GLI2: variants seen among roughly 807,000 people sequenced by gnomAD.
GLI2 encodes the protein GLI family zinc finger 2, also known as transcription activator GLI2.
In GLI2, 22 loss-of-function variants were observed where a neutral mutation model predicts 78.9. That is an observed-to-expected ratio of 0.28 (90% CI 0.20 to 0.40). GLI2 has a LOEUF of 0.40. Among genes scored for constraint, GLI2 ranks in the 10% least tolerant of loss-of-function variants. The probability of loss-of-function intolerance (pLI) is 1.00; values close to 1 mark genes in which losing one functional copy is unlikely to be tolerated. For missense variants in GLI2, 2,097 were observed against 2,213.2 expected, an observed-to-expected ratio of 0.95 and a Z score of 1.05; for synonymous variants, 974 against 963.7, an observed-to-expected ratio of 1.01 and a Z score of -0.20.
At chr2:120,913,330 G>A (rs567976090) in intron 2 of GLI2, among the ~76,000 whole-genome samples, 2 of 152,290 alleles carry the variant, frequency 1.3e-5, no homozygotes, top group African/African-American at 2.4e-5. Flanking sequence ...TTTTGAAGAC[G>A]TAGTAGGAAT....
At chr2:120,972,790 C>A in intron 8 of GLI2, 1 of 466,262 alleles carries the variant, frequency 2.1e-6, no homozygotes, top group Non-Finnish European at 4.3e-6. Context: ...AGCGGAGCAG[C>A]CCACAGCCCA....
At chr2:120,977,097 C>T (rs1310883671) in intron 9 of GLI2, among the ~76,000 whole-genome samples, 5 of 152,184 alleles carry the variant, frequency 3.3e-5, no homozygotes, top group South Asian at 2.1e-4. Context: ...TTGGGCGAGT[C>T]GCACAGGGCA....
At chr2:120,799,199 A>T (rs1484017637) in intron 2 of GLI2, among the ~76,000 whole-genome samples, 1 of 152,148 alleles carries the variant, frequency 6.6e-6, no homozygotes, top group Non-Finnish European at 1.5e-5. Context: ...GCCAGGCAGG[A>T]GGCCCAAAGT....
chr2:120,874,995 C>T (rs1413738517), intron 2 of GLI2, among the ~76,000 whole-genome samples: 1 of 152,190 alleles, frequency 6.6e-6, no homozygotes, highest in African/African-American at 2.4e-5. Flanking sequence ...GCCTGAAACA[C>T]TCGGCTCCTG....
intron 2 of GLI2, among the ~76,000 whole-genome samples, chr2:120,828,346 G>A (rs572367394): frequency 6.6e-6 from 1 of 152,232 alleles, no homozygotes; most frequent in Non-Finnish European, 1.5e-5. Context: ...CGGAGACTCC[G>A]AGGACATTCG....
chr2:120,977,519 C>T (rs1682510186), intron 9 of GLI2, among the ~76,000 whole-genome samples: 1 of 151,866 alleles, frequency 6.6e-6, no homozygotes, highest in Non-Finnish European at 1.5e-5. Flanking sequence ...GTGGTCACTG[C>T]ATTAGACAGT....
chr2:120,835,670 G>A (rs1339506038), intron 2 of GLI2, among the ~76,000 whole-genome samples: 1 of 152,140 alleles, frequency 6.6e-6, no homozygotes, highest in Non-Finnish European at 1.5e-5. Flanking sequence ...ACAGGTGTGA[G>A]CCACCGCATC....
At position 120,909,312 on chromosome 2, in the gene GLI2, C is replaced by T. The variant is rs148290595; in HGVS notation, c.149-18049C>T. Among the ~76,000 whole-genome samples the T allele has an allele frequency of 7.6e-3, 1,150 of 152,116 alleles. 6 individuals are homozygous for T. The highest frequency in any genetic ancestry group is 0.013 in the Non-Finnish European group (885 of 67,972). On this transcript the variant is annotated intron_variant, in intron 2 of 13. Coordinates refer to ENST00000361492, the MANE Select transcript of GLI2 (RefSeq NM_001374353.1). ...TCAAATGTGGCCCTACTGTCTCCCT[C>T]CCCACCAAGCCCAGCTCCCCTCCCC...
chr2:120,855,533 A>T (rs11899772), intron 2 of GLI2, among the ~76,000 whole-genome samples: 22,389 of 152,228 alleles, frequency 0.15, 1,891 homozygotes, highest in Middle Eastern at 0.3. Flanking sequence ...TCTTCCCATC[A>T]CTAAGGATAT....
intron 1 of GLI2, among the ~76,000 whole-genome samples, chr2:120,782,170 G>A (rs1683868436): frequency 6.6e-6 from 1 of 152,166 alleles, no homozygotes; most frequent in Admixed American, 6.5e-5. Context: ...TTAAACATGT[G>A]GGGTGTTGTC....
At chr2:120,917,538 G>A (rs1679160529) in intron 2 of GLI2, among the ~76,000 whole-genome samples, 1 of 152,252 alleles carries the variant, frequency 6.6e-6, no homozygotes. Context: ...GGCCATCCAT[G>A]CGCCCCCTTT....
rs985150120 is a variant in GLI2, at chr2:120,991,554, C to G, written c.*879C>G. 1 of 152,610 alleles carries G rather than the reference C, an allele frequency of 6.6e-6. No individual in the cohort carries two copies. Among genetic ancestry groups the G allele is most frequent in the African/African-American group, 2.4e-5 (1 of 41,418 alleles). 9.5% of individuals were successfully genotyped at this position (152,610 alleles called of 1,614,324 possible). A position where few individuals can be genotyped will look rare whatever the true frequency, so the allele number is the denominator to read the frequency against. The stretch of plus-strand genomic sequence containing the variant: ...GTGGGTTAGGGATGGACTGAGGCCT[C>G]GAGGAGTGAGGGTGCACCCGGGGCC... On this transcript the variant is annotated 3_prime_UTR_variant, in exon 14 of 14. Transcript: ENST00000361492.
chr2:120,827,812 G>A (rs1277750698), intron 2 of GLI2, among the ~76,000 whole-genome samples: 2 of 152,124 alleles, frequency 1.3e-5, no homozygotes, highest in Non-Finnish European at 2.9e-5. Flanking sequence ...CCACTTATAC[G>A]CGGTCCCTAG....
chr2:120,808,380 C>T (rs1005884393), intron 2 of GLI2, among the ~76,000 whole-genome samples: 2 of 152,104 alleles, frequency 1.3e-5, no homozygotes, highest in South Asian at 4.1e-4. Flanking sequence ...GTGCAAAGGC[C>T]CCTGTTGTCC....
At chr2:120,863,065 G>T (rs764611969) in intron 2 of GLI2, among the ~76,000 whole-genome samples, 1 of 152,202 alleles carries the variant, frequency 6.6e-6, no homozygotes, top group Non-Finnish European at 1.5e-5. Flanking sequence ...TGACCAGAGC[G>T]CCTGGAAGGG....
At chr2:120,907,130 C>T (rs1182288836) in intron 2 of GLI2, among the ~76,000 whole-genome samples, 2 of 152,176 alleles carry the variant, frequency 1.3e-5, no homozygotes, top group Non-Finnish European at 2.9e-5. Flanking sequence ...GCCCAGCCCT[C>T]ACCTGCTGCC....
rs139126837 is a variant in GLI2 at position 120,882,720 on chromosome 2, A to G, written c.149-44641A>G. On this transcript the variant is annotated intron_variant, in intron 2 of 13. Coordinates refer to ENST00000361492, the MANE Select transcript of GLI2 (RefSeq NM_001374353.1). The stretch of plus-strand genomic sequence containing the variant: ...GTCCTGCTGGCATTACTCCAGAACC[A>G]CTTCATCTTCCTTGCCCTCCAGGGC... Among the ~76,000 whole-genome samples, 108 of 151,892 alleles carry G rather than the reference A, an allele frequency of 7.1e-4. 2 individuals are homozygous for G. The East Asian group carries it at 0.019, about 26-fold the overall frequency.
chr2:120,742,087 C>A (rs1309666755), intron 1 of GLI2, among the ~76,000 whole-genome samples: 1 of 152,218 alleles, frequency 6.6e-6, no homozygotes, highest in Non-Finnish European at 1.5e-5. Flanking sequence ...TGAGAGCACT[C>A]CACGGGAGCC....
At position 120,865,899 on chromosome 2, in the gene GLI2, C is replaced by G. The variant is rs892913718; in HGVS notation, c.149-61462C>G. ...GGCTCTCTCTCTGGACCTGGCACCC[C>G]CCCTGTTCAAGAGAGGGAAGAGCAG... is the stretch of plus-strand genomic sequence containing the variant. On this transcript the variant is annotated intron_variant, in intron 2 of 13. Transcript: ENST00000361492. Among the ~76,000 whole-genome samples, 3 of 152,352 alleles carry G rather than the reference C, an allele frequency of 2.0e-5. No individual in the cohort carries two copies. The East Asian group carries it at 5.8e-4, about 29-fold the overall frequency.
Sources: allele counts gnomAD v4.1 joint callset (sites outside exome capture counted in the v4.1 genomes callset), GRCh38; gene constraint gnomAD v4.1.1; transcripts MANE v1.5; gene names NCBI Gene and HGNC (gene_info 2026-07-23, HGNC 2026-07-21).